The following NCKAP5 variants were observed in gnomAD, a reference collection of about 807,000 sequenced individuals.
NCKAP5 encodes the protein NCK associated protein 5.
Under a neutral mutation model 167.0 loss-of-function variants are expected in NCKAP5, and 92 were observed. That is an observed-to-expected ratio of 0.55 (90% CI 0.47 to 0.66). The LOEUF is 0.66. Among genes scored for constraint, NCKAP5 ranks in the 30% least tolerant of loss-of-function variants. NCKAP5 has a pLI of 0.00. For missense variants in NCKAP5, 2,378 were observed against 2,315.0 expected (o/e 1.03, Z -0.56); for synonymous variants, 891 against 877.4 (o/e 1.02, Z -0.27).
At chr2:133,299,552 G>C (rs1680214507) in intron 4 of NCKAP5, among the ~76,000 whole-genome samples, 1 of 152,252 alleles carries the variant, frequency 6.6e-6, no homozygotes, top group East Asian at 1.9e-4. Flanking sequence ...TTCGAGACCA[G>C]CCTGGCCAAC....
chr2:133,573,125 G>A (rs1688925316), upstream of NCKAP5, among the ~76,000 whole-genome samples: 1 of 152,126 alleles, frequency 6.6e-6, no homozygotes, highest in Non-Finnish European at 1.5e-5. Context: ...ACGCATAGTG[G>A]GATAAAGACA....
chr2:133,347,948 A>ACAGAGCTC (rs1684089712), intron 3 of NCKAP5, among the ~76,000 whole-genome samples: 1 of 152,252 alleles, frequency 6.6e-6, no homozygotes, highest in African/African-American at 2.4e-5. Flanking sequence ...TTCTTGAACC[A>ACAGAGCTC]AAGTGACAAA....
At chr2:133,480,655 C>A (rs1300859790) in intron 3 of NCKAP5, among the ~76,000 whole-genome samples, 2 of 152,160 alleles carry the variant, frequency 1.3e-5, no homozygotes, top group Non-Finnish European at 2.9e-5. Context: ...GACAGATTGA[C>A]CCTCAGTTGC....
the NCKAP5 span, among the ~76,000 whole-genome samples, chr2:133,629,506 T>G: frequency 6.6e-6 from 1 of 152,052 alleles, no homozygotes; most frequent in South Asian, 2.1e-4. Flanking sequence ...TGTGGAGAAA[T>G]AGGAATGCTT....
the NCKAP5 span, among the ~76,000 whole-genome samples, chr2:133,607,662 G>T: frequency 6.6e-6 from 1 of 152,132 alleles, no homozygotes; most frequent in Non-Finnish European, 1.5e-5. Context: ...AATGCTACCA[G>T]AGTTATAATA....
intron 3 of NCKAP5, among the ~76,000 whole-genome samples, chr2:133,449,180 A>G (rs1479535997): frequency 6.6e-6 from 1 of 152,166 alleles, no homozygotes; most frequent in African/African-American, 2.4e-5. Context: ...CCTGTTGCCT[A>G]TTGTAGAGTA....
At chr2:132,831,435 A>T (rs889886867) in intron 11 of NCKAP5, among the ~76,000 whole-genome samples, 1 of 152,172 alleles carries the variant, frequency 6.6e-6, no homozygotes, top group Non-Finnish European at 1.5e-5. Context: ...ATCAATTTTT[A>T]AAATATTTGT....
intron 7 of NCKAP5, among the ~76,000 whole-genome samples, chr2:132,967,443 A>T (rs1215490930): frequency 6.6e-6 from 1 of 152,226 alleles, no homozygotes; most frequent in East Asian, 1.9e-4. Flanking sequence ...AGAGAGGCAT[A>T]GGGTCGGTGT....
chr2:133,396,940 G>A (rs904959048), intron 3 of NCKAP5, among the ~76,000 whole-genome samples: 3 of 152,178 alleles, frequency 2.0e-5, no homozygotes, highest in South Asian at 2.1e-4. Flanking sequence ...TCCTGACTGC[G>A]TGAGATAGAG....
chr2:133,251,146 A>G (rs1331912142), intron 4 of NCKAP5, among the ~76,000 whole-genome samples: 5 of 152,198 alleles, frequency 3.3e-5, no homozygotes, highest in Non-Finnish European at 7.4e-5. Context: ...AACTGTTTAC[A>G]CAGCATTTAC....
intron 3 of NCKAP5, among the ~76,000 whole-genome samples, chr2:133,369,765 C>T (rs897401142): frequency 6.6e-6 from 1 of 152,256 alleles, no homozygotes; most frequent in Admixed American, 6.5e-5. Flanking sequence ...TAAATGTTTT[C>T]TTTCGATTTA....
intron 16 of NCKAP5, among the ~76,000 whole-genome samples, chr2:132,759,464 G>A (rs956378375): frequency 3.5e-4 from 53 of 152,164 alleles, no homozygotes; most frequent in African/African-American, 1.2e-3. Flanking sequence ...TGACCAAAAT[G>A]TCACAATATT....
chr2:132,731,710 A>G (rs771202197), intron 17 of NCKAP5, 27 bp downstream of exon 17: 14 of 1,548,144 alleles, frequency 9.0e-6, no homozygotes, highest in Non-Finnish European at 1.2e-5. Context: ...CAAATGTCTT[A>G]TTAAGGGTGG....
At chr2:133,513,101 G>C (rs1211240151) in intron 3 of NCKAP5, among the ~76,000 whole-genome samples, 1 of 152,206 alleles carries the variant, frequency 6.6e-6, no homozygotes, top group African/African-American at 2.4e-5. Flanking sequence ...TAACTGAGGA[G>C]AGTTTGGTAA....
chr2:132,887,563 AAG>A (rs1215386894), intron 8 of NCKAP5, among the ~76,000 whole-genome samples: 7 of 152,086 alleles, frequency 4.6e-5, no homozygotes, highest in African/African-American at 1.4e-4. Context: ...ACACCATCTC[AAG>A]AGTCGGGCTC....
chr2:132,881,779 C>T (rs1691778911), intron 8 of NCKAP5, among the ~76,000 whole-genome samples: 1 of 152,038 alleles, frequency 6.6e-6, no homozygotes, highest in African/African-American at 2.4e-5. Context: ...CCAAATCTCC[C>T]CACTGTAAAG....
rs1228369869 is a variant in NCKAP5 at position 133,116,381 on chromosome 2, G to A, written c.341+13597C>T. Among the ~76,000 whole-genome samples, 6 of 122,616 alleles carry A rather than the reference G, an allele frequency of 4.9e-5. 2 individuals are homozygous for A. Among genetic ancestry groups the A allele is most frequent in the East Asian group, 6.8e-4 (2 of 2,928 alleles). The allele number at this position is 122,616 out of a possible 152,430, so 80.4% of individuals were successfully genotyped here. On this transcript the variant is annotated intron_variant, in intron 6 of 19. Coordinates refer to ENST00000409261, the MANE Select transcript of NCKAP5 (RefSeq NM_207363.3). The stretch of plus-strand genomic sequence containing the variant: ...CGGGCGCCTGTAGTCCCAGCTACTC[G>A]GGAGGCTGAGGCAGGAGAATGGCGT...
At chr2:133,062,540 T>C (rs568542116) in intron 6 of NCKAP5, among the ~76,000 whole-genome samples, 2 of 152,344 alleles carry the variant, frequency 1.3e-5, no homozygotes, top group East Asian at 1.9e-4. Flanking sequence ...TATTCTTCAA[T>C]TGAGCTACTC....
chr2:132,733,190 C>A (rs1365496802), intron 16 of NCKAP5, among the ~76,000 whole-genome samples: 1 of 152,198 alleles, frequency 6.6e-6, no homozygotes, highest in Admixed American at 6.5e-5. Flanking sequence ...AATGAGGCAG[C>A]TTCCAAGATC....
Sources: allele counts gnomAD v4.1 joint callset (sites outside exome capture counted in the v4.1 genomes callset), GRCh38; gene constraint gnomAD v4.1.1; transcripts MANE v1.5; gene names NCBI Gene and HGNC (gene_info 2026-07-23, HGNC 2026-07-21).